FAM241A: variants seen among roughly 807,000 people sequenced by gnomAD.
The protein encoded by FAM241A is family with sequence similarity 241 member A.
FAM241A carries 7 observed loss-of-function variants against 12.2 expected under a neutral mutation model. The observed-to-expected ratio is 0.58, with a 90% confidence interval of 0.33 to 1.08. The LOEUF is 1.08. FAM241A is among the 50% of genes least tolerant of loss of function. FAM241A has a pLI of 0.04. For synonymous variants in FAM241A, 74 were observed against 68.2 expected (o/e 1.08, Z -0.42); for missense variants, 161 against 169.7 (o/e 0.95, Z 0.29).
intron 1 of FAM241A, among the ~76,000 whole-genome samples, chr4:112,177,511 T>A (rs1723846892): frequency 6.6e-6 from 1 of 152,144 alleles, no homozygotes; most frequent in African/African-American, 2.4e-5. Flanking sequence ...GACATTTAAT[T>A]CCTCTTAAAC....
chr4:112,175,991 A>G (rs182822971), intron 1 of FAM241A, among the ~76,000 whole-genome samples: 65 of 152,356 alleles, frequency 4.3e-4, no homozygotes, highest in African/African-American at 1.5e-3. Flanking sequence ...AATACTGGAC[A>G]CAGGAAGACA....
At chr4:112,160,062 T>C (rs920837803) in intron 1 of FAM241A, among the ~76,000 whole-genome samples, 3 of 152,182 alleles carry the variant, frequency 2.0e-5, no homozygotes, top group Admixed American at 1.3e-4. Flanking sequence ...TTAGAACTGA[T>C]AAATTCAATA....
chr4:112,185,297 A>G (rs1560586648), intron 1 of FAM241A, among the ~76,000 whole-genome samples: 1 of 152,166 alleles, frequency 6.6e-6, no homozygotes, highest in Admixed American at 6.5e-5. Context: ...AGATAATTTA[A>G]TATAAGTAAT....
intron 1 of FAM241A, among the ~76,000 whole-genome samples, chr4:112,178,750 G>T (rs1723870534): frequency 6.6e-6 from 1 of 152,016 alleles, no homozygotes; most frequent in Non-Finnish European, 1.5e-5. Flanking sequence ...TCTGACAGAG[G>T]TCTAATATAC....
intron 1 of FAM241A, among the ~76,000 whole-genome samples, chr4:112,183,817 C>T (rs1723989696): frequency 6.6e-6 from 1 of 151,808 alleles, no homozygotes. Flanking sequence ...CATACTAAAT[C>T]GAGGACTCTT....
At chr4:112,145,869 TG>T (rs1723126305) in intron 1 of FAM241A, 136 bp downstream of exon 1, 1 of 435,012 alleles carries the variant, frequency 2.3e-6, no homozygotes, top group African/African-American at 2.1e-5. Flanking sequence ...CCCGGCGCTC[TG>T]GGAAGTCGTC....
intron 1 of FAM241A, among the ~76,000 whole-genome samples, chr4:112,162,220 A>G (rs1034709997): frequency 3.9e-5 from 6 of 152,196 alleles, no homozygotes; most frequent in African/African-American, 1.4e-4. Flanking sequence ...ATGGACAAAA[A>G]CTGGAAGCAT....
intron 1 of FAM241A, among the ~76,000 whole-genome samples, chr4:112,180,655 AAAC>A (rs1723916143): frequency 6.6e-6 from 1 of 152,216 alleles, no homozygotes. Context: ...TTTAAAAAAA[AAAC>A]TTTTTTTCAC....
At chr4:112,176,979 G>T (rs1465241268) in intron 1 of FAM241A, among the ~76,000 whole-genome samples, 1 of 152,110 alleles carries the variant, frequency 6.6e-6, no homozygotes, top group African/African-American at 2.4e-5. Flanking sequence ...TTATGGGTTT[G>T]CTTATTGTTT....
chr4:112,179,697 T>TA (rs1723889557), intron 1 of FAM241A, among the ~76,000 whole-genome samples: 1 of 146,408 alleles, frequency 6.8e-6, no homozygotes, highest in African/African-American at 2.5e-5. Context: ...CCCTAGAACT[T>TA]AAAGTATAAT....
chr4:112,171,485 A>T (rs984069346), intron 1 of FAM241A: 13 of 778,132 alleles, frequency 1.7e-5, no homozygotes, highest in African/African-American at 3.4e-5. Context: ...AGCATTTTGA[A>T]CTGGGAGGAG....
chr4:112,180,086 C>T (rs768059428), intron 1 of FAM241A, among the ~76,000 whole-genome samples: 9 of 151,114 alleles, frequency 6.0e-5, no homozygotes, highest in South Asian at 2.1e-4. Flanking sequence ...ACTATCCTAA[C>T]CAAATTAATG....
chr4:112,148,409 T>C (rs1723182289), intron 1 of FAM241A, among the ~76,000 whole-genome samples: 1 of 152,158 alleles, frequency 6.6e-6, no homozygotes, highest in Non-Finnish European at 1.5e-5. Flanking sequence ...AGTTAAGATA[T>C]TGTCTGCATC....
intron 1 of FAM241A, among the ~76,000 whole-genome samples, chr4:112,173,189 CTG>C (rs1180833772): frequency 6.6e-6 from 1 of 152,080 alleles, no homozygotes; most frequent in Non-Finnish European, 1.5e-5. Context: ...ATGCCCAGCC[CTG>C]CCAGAGATTT....
chr4:112,180,961 A>G (rs1332370567), intron 1 of FAM241A, among the ~76,000 whole-genome samples: 1 of 152,244 alleles, frequency 6.6e-6, no homozygotes, highest in Non-Finnish European at 1.5e-5. Flanking sequence ...CTTGAGGAGT[A>G]TATGTGGAGA....
intron 1 of FAM241A, among the ~76,000 whole-genome samples, chr4:112,153,665 C>T (rs1325054183): frequency 1.3e-5 from 2 of 152,120 alleles, no homozygotes; most frequent in Non-Finnish European, 2.9e-5. Flanking sequence ...CCCCCGGCAC[C>T]GCCCCCAGCC....
intron 1 of FAM241A, among the ~76,000 whole-genome samples, chr4:112,146,892 G>A (rs1247340492): frequency 6.6e-6 from 1 of 152,190 alleles, no homozygotes; most frequent in East Asian, 1.9e-4. Context: ...AAATAATTTG[G>A]TAGCTTGTTC....
intron 1 of FAM241A, among the ~76,000 whole-genome samples, chr4:112,177,723 C>A (rs1374797969): frequency 6.6e-6 from 1 of 152,116 alleles, no homozygotes; most frequent in Non-Finnish European, 1.5e-5. Context: ...GAGAATCAGA[C>A]CCCCAAGAGC....
intron 1 of FAM241A, among the ~76,000 whole-genome samples, chr4:112,158,103 A>G (rs1036124184): frequency 5.3e-5 from 8 of 151,646 alleles, no homozygotes; most frequent in African/African-American, 1.7e-4. Context: ...TTCATTATTT[A>G]TTTTATTATA....
Sources: gnomAD v4.1 joint callset for allele counts (sites outside exome capture counted in the v4.1 genomes callset) on GRCh38, gnomAD v4.1.1 for gene constraint, MANE v1.5 for transcripts, NCBI Gene and HGNC (gene_info 2026-07-23, HGNC 2026-07-21) for gene names.